NBEAL1: variants seen among roughly 807,000 people sequenced by gnomAD.
NBEAL1 encodes the protein neurobeachin like 1.
NBEAL1 carries 273 observed loss-of-function variants against 351.3 expected under a neutral mutation model. That is an observed-to-expected ratio of 0.78 (90% CI 0.70 to 0.86). The LOEUF (loss-of-function observed/expected upper bound fraction) is 0.86, where lower values mean the gene tolerates loss of function less well. Ranked by LOEUF, NBEAL1 falls within the 40% of genes least tolerant of loss-of-function variation. The probability of loss-of-function intolerance (pLI) is 0.00; values close to 1 mark genes in which losing one functional copy is unlikely to be tolerated. For synonymous variants in NBEAL1, 1,050 were observed against 1,086.4 expected (o/e 0.97, Z 0.66); for missense variants, 2,961 against 3,201.3 (o/e 0.92, Z 1.81).
chr2:203,068,204 A>T (rs1191381633), intron 6 of NBEAL1, among the ~76,000 whole-genome samples, 189 bp from the exon 7 acceptor site: 3 of 152,176 alleles, frequency 2.0e-5, no homozygotes, highest in African/African-American at 7.2e-5. Flanking sequence ...CAAAAAAATA[A>T]ATCTGTTAAT....
At chr2:203,144,465 A>G in intron 31 of NBEAL1, 135 bp from the exon 32 acceptor site, 3 of 786,078 alleles carry the variant, frequency 3.8e-6, no homozygotes, top group East Asian at 2.7e-5. Flanking sequence ...CTTGGAGGCA[A>G]AGTAACATCT....
At chr2:203,060,624 T>C (rs909273231) in intron 6 of NBEAL1, among the ~76,000 whole-genome samples, 1 of 152,240 alleles carries the variant, frequency 6.6e-6, no homozygotes, top group Non-Finnish European at 1.5e-5. Context: ...GTAGCATTGC[T>C]AAGAGTATCT....
Position 203,136,216 on chromosome 2 carries a change from C to A in NBEAL1, c.4353C>A (p.Gly1451=). 1 of 1,594,594 alleles carries A rather than the reference C, an allele frequency of 6.3e-7. No individual in the cohort carries two copies. The highest frequency in any genetic ancestry group is 8.5e-7 in the Non-Finnish European group (1 of 1,174,436). Residue 1451 remains glycine, a synonymous_variant, in exon 28 of 56, where the codon GGC becomes GGA. Coordinates refer to ENST00000683969, the MANE Select transcript of NBEAL1 (RefSeq NM_001378026.1). ...AAAGCAGCATCACAAATGATATGGG[C>A]TTTAGTGATGACTTCTCTTTACTTG... ...DRESSITNDM[G]FSDDFSLLES...
chr2:203,216,572 C>T (rs1559073239), intron 55 of NBEAL1, among the ~76,000 whole-genome samples: 2 of 151,904 alleles, frequency 1.3e-5, no homozygotes. Flanking sequence ...GAGATCTCAT[C>T]TCTACAAACA....
chr2:203,109,070 A>G (rs925866217), intron 14 of NBEAL1, among the ~76,000 whole-genome samples: 1 of 152,188 alleles, frequency 6.6e-6, no homozygotes, highest in African/African-American at 2.4e-5. Context: ...ATGAAAATGA[A>G]TAATGGCCGG....
intron 38 of NBEAL1, among the ~76,000 whole-genome samples, chr2:203,168,200 C>T (rs2064197732): frequency 6.6e-6 from 1 of 152,170 alleles, no homozygotes; most frequent in African/African-American, 2.4e-5. Context: ...CTAAGTCTGC[C>T]CCTGCTAAGT....
At chr2:203,197,445 A>C in intron 48 of NBEAL1, 54 bp downstream of exon 48, 1 of 1,178,164 alleles carries the variant, frequency 8.5e-7, no homozygotes, top group East Asian at 2.4e-5. Context: ...ATTACAACTT[A>C]GAAAAAAAGA....
chr2:203,128,116 G>A (rs570549411), intron 24 of NBEAL1, among the ~76,000 whole-genome samples, 179 bp downstream of exon 24: 12 of 150,580 alleles, frequency 8.0e-5, no homozygotes, highest in South Asian at 2.1e-4. Flanking sequence ...ATGGAGTCTC[G>A]CTCTGTCACC....
intron 2 of NBEAL1, chr2:203,040,002 G>A (rs570663724): frequency 1.8e-6 from 1 of 570,308 alleles, no homozygotes; most frequent in South Asian, 2.2e-5. Flanking sequence ...GGGTGGTGAG[G>A]TTTCTGGTTT....
intron 33 of NBEAL1, 21 bp from the exon 34 acceptor site, chr2:203,148,970 A>T: frequency 6.3e-7 from 1 of 1,594,154 alleles, no homozygotes; most frequent in East Asian, 2.2e-5. Flanking sequence ...CAATGACCTT[A>T]CTTTTTATTG....
chr2:203,187,214 T>C (rs564389573), intron 44 of NBEAL1, among the ~76,000 whole-genome samples: 2 of 151,518 alleles, frequency 1.3e-5, no homozygotes, highest in African/African-American at 4.9e-5. Context: ...GTAGGTGCAA[T>C]ACCACCATTC....
At chr2:203,123,194 G>A (rs1311042919) in intron 19 of NBEAL1, among the ~76,000 whole-genome samples, 1 of 150,238 alleles carries the variant, frequency 6.7e-6, no homozygotes, top group Non-Finnish European at 1.5e-5. Flanking sequence ...TATTATTTCA[G>A]TGAAAAGAAA....
At chr2:203,126,791 C>G in intron 22 of NBEAL1, 33 bp from the exon 23 acceptor site, 1 of 1,537,402 alleles carries the variant, frequency 6.5e-7, no homozygotes, top group African/African-American at 1.4e-5. Context: ...TTTATTTTAG[C>G]TGAATTACTT....
chr2:203,083,632 A>T, intron 9 of NBEAL1, 107 bp downstream of exon 9: 1 of 867,542 alleles, frequency 1.2e-6, no homozygotes, highest in Non-Finnish European at 1.7e-6. Flanking sequence ...TGATTGTTTA[A>T]TTCAGATATC....
intron 47 of NBEAL1, among the ~76,000 whole-genome samples, chr2:203,195,236 T>G (rs1438499391): frequency 6.6e-6 from 1 of 152,066 alleles, no homozygotes; most frequent in Non-Finnish European, 1.5e-5. Flanking sequence ...TGAACAATAT[T>G]GTAGTAAGCA....
chr2:203,169,124 C>T (rs1301121319), intron 38 of NBEAL1, among the ~76,000 whole-genome samples: 4 of 151,668 alleles, frequency 2.6e-5, no homozygotes. Flanking sequence ...ATAATATTTC[C>T]GTTATACATG....
chr2:203,085,487 G>A (rs1281295839), intron 10 of NBEAL1: 1 of 152,258 alleles, frequency 6.6e-6, no homozygotes, highest in Non-Finnish European at 1.5e-5. Flanking sequence ...AATATATGTT[G>A]TCTTCATAAT....
chr2:203,024,468 C>T (rs1254640083), intron 2 of NBEAL1, among the ~76,000 whole-genome samples: 1 of 151,098 alleles, frequency 6.6e-6, no homozygotes, highest in Non-Finnish European at 1.5e-5. Flanking sequence ...AAGAGAATCA[C>T]TTGAATCCAA....
intron 6 of NBEAL1, among the ~76,000 whole-genome samples, chr2:203,066,708 C>T (rs549548231): frequency 1.2e-3 from 169 of 145,976 alleles, no homozygotes; most frequent in African/African-American, 4.1e-3. Flanking sequence ...ATGGGGCGGC[C>T]GGGCAGAGGC....
Sources: allele counts gnomAD v4.1 joint callset (sites outside exome capture counted in the v4.1 genomes callset), GRCh38; gene constraint gnomAD v4.1.1; transcripts MANE v1.5; gene names NCBI Gene and HGNC (gene_info 2026-07-23, HGNC 2026-07-21).